DOCK8: variants seen among roughly 807,000 people sequenced by gnomAD.
DOCK8 encodes dedicator of cytokinesis protein 8.
Under a neutral mutation model 245.6 loss-of-function variants are expected in DOCK8, and 141 were observed. The observed-to-expected ratio is 0.57, with a 90% CI of 0.50 to 0.66. DOCK8 has a LOEUF of 0.66. DOCK8 is among the 30% of genes least tolerant of loss of function. DOCK8 has a pLI of 0.00. For missense variants in DOCK8, 2,965 were observed against 2,603.4 expected (o/e 1.14, Z -3.02); for synonymous variants, 1,168 against 970.2 (o/e 1.20, Z -3.79).
Position 407,780 on chromosome 9 carries a change from A to G in DOCK8, c.3530+711A>G, listed in dbSNP as rs117045742. ...GTTCAACAATTATTGAATGCCTTCC[A>G]TGGGACAGACACAGTTAGGTGTTAG... On this transcript the variant is annotated intron_variant, in intron 28 of 47. Coordinates refer to ENST00000432829, the MANE Select transcript of DOCK8 (RefSeq NM_203447.4). Among the ~76,000 whole-genome samples, 81 of 152,344 alleles carry G rather than the reference A, an allele frequency of 5.3e-4. 1 individual carries two copies. The East Asian group carries it at 0.013, about 24-fold the overall frequency.
At position 340,166 on chromosome 9, in the gene DOCK8, A is replaced by G. The variant is rs1305099911; in HGVS notation, c.1524A>G (p.Leu508=). Residue 508 remains leucine (L), a synonymous_variant, in exon 14 of 48, where the codon CTA becomes CTG. Coordinates refer to ENST00000432829, the MANE Select transcript of DOCK8 (RefSeq NM_203447.4). ...QRRVKSIPGL[L]RLEISTAPEI... is the part of the protein sequence containing the mutation. Reference sequence around the variant, plus strand: ...CCTATTTTCTCTCTTTAGGCTTGCTAAGACTGGAGATTTCTACAGCTCCAG... The same window carrying G: ...CCTATTTTCTCTCTTTAGGCTTGCTGAGACTGGAGATTTCTACAGCTCCAG... The G allele has an allele frequency of 2.5e-6, 4 of 1,613,954 alleles. No homozygotes were observed. Among genetic ancestry groups the G allele is most frequent in the African/African-American group, 2.7e-5 (2 of 74,892 alleles).
intron 14 of DOCK8, among the ~76,000 whole-genome samples, chr9:344,656 G>A (rs1418547007): frequency 6.6e-6 from 1 of 151,728 alleles, no homozygotes; most frequent in African/African-American, 2.4e-5. Context: ...TTCTATACTG[G>A]CCCCCAAAAT....
In DOCK8 at chr9:253,502, G is replaced by T. The variant is rs576687566; in HGVS notation, c.54-18125G>T. 5.9e-5 allele frequency among the ~76,000 whole-genome samples: 9 copies of T among 152,332 alleles called. No homozygotes were observed. The South Asian group carries it at 1.9e-3, about 32-fold the overall frequency. ...CTGCAAGATTTGTTAGGCTTAAGCA[G>T]TCCCTTAACTTCTTTGAGTGTTTGT... On this transcript the variant is annotated intron_variant, in intron 1 of 47. Coordinates refer to ENST00000432829, the MANE Select transcript of DOCK8 (RefSeq NM_203447.4).
intron 46 of DOCK8, among the ~76,000 whole-genome samples, chr9:459,457 G>T (rs1440707684): frequency 4.6e-5 from 7 of 152,158 alleles, no homozygotes; most frequent in African/African-American, 1.7e-4. Flanking sequence ...ATTAATTGCT[G>T]TGTAACAAAC....
intron 5 of DOCK8, among the ~76,000 whole-genome samples, chr9:311,434 T>A (rs1410498840): frequency 6.6e-6 from 1 of 150,930 alleles, no homozygotes; most frequent in Non-Finnish European, 1.5e-5. Context: ...TTTTTTTTTT[T>A]AAGAGACTGA....
intron 3 of DOCK8, among the ~76,000 whole-genome samples, chr9:286,887 C>T (rs575826798): frequency 3.5e-4 from 53 of 152,120 alleles, no homozygotes; most frequent in Middle Eastern, 3.4e-3. Flanking sequence ...AAATGAAATG[C>T]TCAAGAGGAG....
intron 41 of DOCK8, 22 bp downstream of exon 41, chr9:441,439 C>T (rs2057091279): frequency 6.2e-7 from 1 of 1,614,060 alleles, no homozygotes; most frequent in African/African-American, 1.3e-5. Context: ...GCCTGGCTGG[C>T]AGGTCTTGTT....
rs2053222795 is a variant in DOCK8 at position 370,224 on chromosome 9, G to GA, written c.1798-4dup. 2 of 1,612,908 alleles carry GA rather than the reference G, an allele frequency of 1.2e-6. No individual in the cohort carries two copies. Among genetic ancestry groups the GA allele is most frequent in the African/African-American group, 1.3e-5 (1 of 74,880 alleles). The stretch of plus-strand genomic sequence containing the variant: ...ATAATTTGATCCTTTCTCTACTGGT[G>GA]AACAGGTCATCTTTGGAAAATCCAG... On this transcript the variant is annotated splice_region_variant and splice_polypyrimidine_tract_variant and intron_variant, in intron 15 of 47. Transcript: ENST00000432829.
chr9:426,835 C>G, intron 33 of DOCK8, 50 bp from the exon 34 acceptor site: 1 of 1,495,742 alleles, frequency 6.7e-7, no homozygotes, highest in Non-Finnish European at 9.3e-7. Flanking sequence ...ATCATGGGAA[C>G]CTGGCCAGGT....
chr9:330,936 C>G (rs1043608145), intron 9 of DOCK8, among the ~76,000 whole-genome samples: 1 of 152,212 alleles, frequency 6.6e-6, no homozygotes, highest in African/African-American at 2.4e-5. Flanking sequence ...CTGGTCAAAT[C>G]TGACTTCTCC....
intron 40 of DOCK8, among the ~76,000 whole-genome samples, chr9:440,312 G>A (rs181860656): frequency 2.9e-4 from 44 of 152,164 alleles, no homozygotes; most frequent in South Asian, 6.2e-4. Context: ...GAGCCACCAC[G>A]CCCAACTTGT....
At position 443,326 on chromosome 9, in the gene DOCK8, T is replaced by G. The variant is rs2057151205; in HGVS notation, c.5491-101T>G. On this transcript the variant is annotated intron_variant, in intron 42 of 47. Transcript: ENST00000432829. ...AACTCTCAATAATCAGTGAACATCA[T>G]TCTACCTTGCACTTGCTCCAAACTT... 8.1e-6 allele frequency: 9 copies of G among 1,115,736 alleles called. No individual in the cohort carries two copies. In the East Asian group the frequency reaches 2.1e-4, roughly 26 times the overall value. The allele number at this position is 1,115,736 out of a possible 1,614,324, so 69.1% of individuals were successfully genotyped here.
chr9:215,739 G>C (rs769986537), intron 1 of DOCK8: 8 of 250,924 alleles, frequency 3.2e-5, no homozygotes, highest in Non-Finnish European at 5.6e-5. Context: ...CCTAATCAAA[G>C]TTGCACAAAC....
In DOCK8 at chr9:333,409, G is replaced by A. The variant is rs572430792; in HGVS notation, c.1126-816G>A. Among the ~76,000 whole-genome samples the A allele has an allele frequency of 7.2e-5, 11 of 152,250 alleles. 1 individual carries two copies. The East Asian group carries it at 7.7e-4, about 11-fold the overall frequency. On this transcript the variant is annotated intron_variant, in intron 10 of 47. Transcript: ENST00000432829. ...GAGGTCAGAAGATTGAGACCATCCT[G>A]GCCAACACGGTGAAACCCCGTCTCT... is the stretch of plus-strand genomic sequence containing the variant.
At chr9:212,232 G>C (rs1252968025), upstream of DOCK8, among the ~76,000 whole-genome samples, 1 of 152,168 alleles carries the variant, frequency 6.6e-6, no homozygotes, top group Non-Finnish European at 1.5e-5. Flanking sequence ...CAATAAAATA[G>C]GTAAGATGCA....
intron 1 of DOCK8, among the ~76,000 whole-genome samples, chr9:225,199 T>C (rs1197440248): frequency 1.3e-5 from 2 of 151,938 alleles, no homozygotes; most frequent in Admixed American, 1.3e-4. Context: ...AATGCAAAAG[T>C]TAGAGAGCAT....
Position 420,561 on chromosome 9 carries a change from G to C in DOCK8, c.4001G>C (p.Cys1334Ser). 6.2e-7 allele frequency: 1 copy of C among 1,614,126 alleles called. No individual in the cohort carries two copies. The highest frequency in any genetic ancestry group is 8.5e-7 in the Non-Finnish European group (1 of 1,180,034). ...LNRILDLLFICVLCFEYKGKQ... is the reference protein window; with the variant it reads ...LNRILDLLFISVLCFEYKGKQ... ...AGGATTTTAGATCTACTTTTCATCT[G>C]TGTGTTATGTTTTGAGTATAAGGTA... Residue 1334 changes from cysteine to serine, a missense_variant, in exon 31 of 48, where the codon TGT (cysteine) becomes TCT (serine). Coordinates refer to ENST00000432829, the MANE Select transcript of DOCK8 (RefSeq NM_203447.4).
chr9:249,403 C>A (rs1459650817), intron 1 of DOCK8, among the ~76,000 whole-genome samples: 1 of 152,142 alleles, frequency 6.6e-6, no homozygotes, highest in Non-Finnish European at 1.5e-5. Context: ...ATACTGTCAG[C>A]AGCAATCTCA....
At chr9:232,961 C>T (rs1374885188) in intron 1 of DOCK8, among the ~76,000 whole-genome samples, 2 of 152,190 alleles carry the variant, frequency 1.3e-5, no homozygotes, top group African/African-American at 4.8e-5. Flanking sequence ...TTTGCTCTTG[C>T]TTCTCTAGTT....
Sources: gnomAD v4.1 joint callset for allele counts (sites outside exome capture counted in the v4.1 genomes callset) on GRCh38, gnomAD v4.1.1 for gene constraint, MANE v1.5 for transcripts, NCBI Gene and HGNC (gene_info 2026-07-23, HGNC 2026-07-21) for gene names.